Variants in KLF12 observed in about 807,000 individuals in gnomAD.
KLF12 encodes the protein Krueppel-like factor 12.
KLF12 carries 9 observed loss-of-function variants against 37.8 expected under a neutral mutation model. That is an observed-to-expected ratio of 0.24 (90% CI 0.14 to 0.42). KLF12 has a LOEUF of 0.42. KLF12 is among the 10% of genes least tolerant of loss of function. The pLI, the probability that KLF12 is intolerant of heterozygous loss-of-function variation, is 1.00. For missense variants in KLF12, 411 were observed against 516.0 expected, an observed-to-expected ratio of 0.80 and a Z score of 1.97; for synonymous variants, 208 against 202.1, an observed-to-expected ratio of 1.03 and a Z score of -0.25.
chr13:73,773,740 G>A (rs1485860155), intron 5 of KLF12, among the ~76,000 whole-genome samples: 1 of 151,992 alleles, frequency 6.6e-6, no homozygotes, highest in Admixed American at 6.6e-5. Flanking sequence ...ATCTCAACAC[G>A]GCCCGAATGC....
the KLF12 span, among the ~76,000 whole-genome samples, chr13:74,214,074 A>G: frequency 6.6e-6 from 1 of 152,054 alleles, no homozygotes; most frequent in Non-Finnish European, 1.5e-5. Context: ...TAAATTTTCT[A>G]TTTTGTGCAA....
chr13:74,037,666 A>C (rs973926784), intron 1 of KLF12, among the ~76,000 whole-genome samples: 1 of 152,138 alleles, frequency 6.6e-6, no homozygotes, highest in African/African-American at 2.4e-5. Flanking sequence ...GTGGTCTCTA[A>C]GTTCTGATTA....
the KLF12 span, among the ~76,000 whole-genome samples, chr13:74,303,705 C>T: frequency 3.2e-4 from 48 of 152,200 alleles, no homozygotes; most frequent in African/African-American, 1.1e-3. Context: ...TTATTCTCTG[C>T]GTTACCAGAC....
At chr13:74,123,471 T>C (rs1427374012) in intron 1 of KLF12, among the ~76,000 whole-genome samples, 1 of 152,254 alleles carries the variant, frequency 6.6e-6, no homozygotes, top group Non-Finnish European at 1.5e-5. Flanking sequence ...TTTCTTGATC[T>C]GCCTACATTG....
the KLF12 span, among the ~76,000 whole-genome samples, chr13:74,189,146 T>C: frequency 3.3e-5 from 5 of 152,216 alleles, no homozygotes; most frequent in African/African-American, 1.2e-4. Flanking sequence ...AGAATTATCT[T>C]TCCAGTGGAA....
At chr13:74,241,871 T>C in the KLF12 span, among the ~76,000 whole-genome samples, 2,270 of 152,292 alleles carry the variant, frequency 0.015, 55 homozygotes, top group African/African-American at 0.052. Flanking sequence ...ATGAACCCGG[T>C]ACCTCAGATG....
chr13:73,890,516 A>T (rs1398898103), intron 3 of KLF12, among the ~76,000 whole-genome samples: 1 of 152,130 alleles, frequency 6.6e-6, no homozygotes, highest in African/African-American at 2.4e-5. Flanking sequence ...GATTGGGGGA[A>T]ATCATTTTAA....
intron 4 of KLF12, among the ~76,000 whole-genome samples, chr13:73,832,151 G>A (rs1884194505): frequency 6.6e-6 from 1 of 152,150 alleles, no homozygotes; most frequent in African/African-American, 2.4e-5. Flanking sequence ...GTGTCTGTGT[G>A]GGAGGTGACC....
intron 7 of KLF12, among the ~76,000 whole-genome samples, chr13:73,705,980 C>T (rs918577415): frequency 1.3e-5 from 2 of 152,056 alleles, no homozygotes; most frequent in African/African-American, 2.4e-5. Flanking sequence ...GGTGAAACCC[C>T]GTCTCTATTA....
intron 3 of KLF12, among the ~76,000 whole-genome samples, chr13:73,878,286 A>T (rs1256785974): frequency 6.6e-6 from 1 of 152,202 alleles, no homozygotes; most frequent in Non-Finnish European, 1.5e-5. Context: ...ACATAAAATT[A>T]TACAAAGGCT....
intron 1 of KLF12, among the ~76,000 whole-genome samples, chr13:74,102,628 T>C (rs960605796): frequency 1.3e-4 from 19 of 150,840 alleles, no homozygotes; most frequent in African/African-American, 4.6e-4. Context: ...ACCTGGGAGG[T>C]GGGGGGTTGC....
intron 4 of KLF12, among the ~76,000 whole-genome samples, chr13:73,834,359 C>A (rs1477637908): frequency 6.6e-6 from 1 of 152,124 alleles, no homozygotes; most frequent in African/African-American, 2.4e-5. Flanking sequence ...ACTCCTAAGA[C>A]CCTAGTATTT....
chr13:74,249,507 A>G, the KLF12 span, among the ~76,000 whole-genome samples: 1 of 152,124 alleles, frequency 6.6e-6, no homozygotes. Context: ...TCTCACAAAC[A>G]TCTTGGGTTC....
chr13:74,199,303 CA>C, the KLF12 span, among the ~76,000 whole-genome samples: 1 of 152,130 alleles, frequency 6.6e-6, no homozygotes, highest in Non-Finnish European at 1.5e-5. Context: ...GTGACTGCCC[CA>C]AAGAAATGAT....
the KLF12 span, among the ~76,000 whole-genome samples, chr13:74,212,386 C>A: frequency 6.6e-6 from 1 of 152,068 alleles, no homozygotes; most frequent in Non-Finnish European, 1.5e-5. Flanking sequence ...TGCTGGACAG[C>A]TAAAAGGTGA....
At chr13:73,945,225 T>C (rs1232542825) in intron 2 of KLF12, among the ~76,000 whole-genome samples, 1 of 152,114 alleles carries the variant, frequency 6.6e-6, no homozygotes, top group African/African-American at 2.4e-5. Context: ...CCCCAGCACT[T>C]TGGGAGGCTG....
chr13:74,048,295 G>C (rs1245908384), intron 1 of KLF12, among the ~76,000 whole-genome samples: 1 of 152,168 alleles, frequency 6.6e-6, no homozygotes, highest in African/African-American at 2.4e-5. Flanking sequence ...AAATTCTATT[G>C]TCACGGAAGA....
At chr13:74,114,706 T>C (rs1036236909) in intron 1 of KLF12, among the ~76,000 whole-genome samples, 5 of 152,212 alleles carry the variant, frequency 3.3e-5, no homozygotes, top group African/African-American at 1.2e-4. Flanking sequence ...CAGAAATTGA[T>C]CTACCCTCAA....
chr13:74,282,856 T>C, the KLF12 span, among the ~76,000 whole-genome samples: 4 of 152,010 alleles, frequency 2.6e-5, no homozygotes, highest in Non-Finnish European at 5.9e-5. Flanking sequence ...AGTCTCAGTT[T>C]CCCCCCCTGG....
Sources: allele counts gnomAD v4.1 joint callset (sites outside exome capture counted in the v4.1 genomes callset), GRCh38; gene constraint gnomAD v4.1.1; transcripts MANE v1.5; gene names NCBI Gene and HGNC (gene_info 2026-07-23, HGNC 2026-07-21).